The following PTPRC variants were observed in gnomAD, a reference collection of about 807,000 sequenced individuals.
PTPRC encodes receptor-type tyrosine-protein phosphatase C.
A neutral mutation model predicts 155.9 loss-of-function variants in PTPRC; 44 were observed. The ratio of observed to expected loss-of-function variants is 0.28; its 90% confidence interval spans 0.22 to 0.36. The LOEUF is 0.36. PTPRC is among the 10% of genes least tolerant of loss of function. PTPRC has a pLI of 1.00. For synonymous variants in PTPRC, 525 were observed against 533.1 expected, an observed-to-expected ratio of 0.98 and a Z score of 0.21; for missense variants, 1,401 against 1,564.6, an observed-to-expected ratio of 0.90 and a Z score of 1.76.
intron 3 of PTPRC, chr1:198,692,626 G>A (rs1347521364): frequency 3.0e-6 from 3 of 995,874 alleles, no homozygotes; most frequent in African/African-American, 3.4e-5. Flanking sequence ...AAACTTGACA[G>A]TAAATCACAC....
At chr1:198,735,088 A>T in intron 22 of PTPRC, 39 bp from the exon 23 acceptor site, 4 of 1,508,536 alleles carry the variant, frequency 2.7e-6, no homozygotes, top group Non-Finnish European at 3.6e-6. Flanking sequence ...ATTGGCTTAA[A>T]TTAAAAATTA....
chr1:198,722,612 TTAATTGTCAG>T lies in PTPRC; in HGVS notation c.1720+140_1720+149del, dbSNP rs539390156. 393 of 401,474 alleles carry T rather than the reference TTAATTGTCAG, an allele frequency of 9.8e-4. 2 individuals are homozygous for T. Among genetic ancestry groups the T allele is most frequent in the Non-Finnish European group, 5.8e-5 (15 of 256,780 alleles). The allele number at this position is 401,474 out of a possible 1,614,324, so 24.9% of individuals were successfully genotyped here. On this transcript the variant is annotated intron_variant, in intron 15 of 32. Transcript: ENST00000442510. ...TATCTCTTCCGTAAATGTAATATTT[TTAATTGTCAG>T]TAAAACCATACATATATATGTAAAT... is the stretch of plus-strand genomic sequence containing the variant.
chr1:198,665,758 A>G (rs1280401863), intron 2 of PTPRC, among the ~76,000 whole-genome samples: 1 of 152,226 alleles, frequency 6.6e-6, no homozygotes, highest in African/African-American at 2.4e-5. Flanking sequence ...ACATGGTAAC[A>G]AATGCTTTAG....
chr1:198,650,440 A>G (rs1663182952), intron 2 of PTPRC, among the ~76,000 whole-genome samples: 1 of 151,872 alleles, frequency 6.6e-6, no homozygotes, highest in Non-Finnish European at 1.5e-5. Flanking sequence ...GTGGAAAGAA[A>G]GGAAAGACTG....
At chr1:198,662,592 G>A (rs1664037161) in intron 2 of PTPRC, among the ~76,000 whole-genome samples, 1 of 151,882 alleles carries the variant, frequency 6.6e-6, no homozygotes, top group South Asian at 2.1e-4. Context: ...AAGAGAAATA[G>A]AGGAGGATGG....
chr1:198,706,794 C>G lies in PTPRC; in HGVS notation c.746C>G (p.Thr249Arg). Residue 249 changes from threonine (T) to arginine (R), a missense_variant, in exon 9 of 33, where the codon ACA (threonine) becomes AGA (arginine). Transcript: ENST00000442510. ...TATAACAAGGAAACTAAATTATTTA[C>G]AGCAAAGCTAAATGTTAATGAGAAT... ...YLYNKETKLF[T>R]AKLNVNENVE... is the part of the protein sequence containing the mutation. The G allele has an allele frequency of 1.2e-6, 2 of 1,612,806 alleles. No homozygotes were observed. Among genetic ancestry groups the G allele is most frequent in the Non-Finnish European group, 1.7e-6 (2 of 1,179,080 alleles).
chr1:198,704,756 C>A (rs188850004), intron 8 of PTPRC, among the ~76,000 whole-genome samples: 30 of 152,310 alleles, frequency 2.0e-4, no homozygotes, highest in Admixed American at 4.6e-4. Context: ...ATATTGGGAA[C>A]TGTGCCTACT....
At chr1:198,639,669 A>G (rs980982500) in intron 2 of PTPRC, among the ~76,000 whole-genome samples, 1 of 152,086 alleles carries the variant, frequency 6.6e-6, no homozygotes, top group African/African-American at 2.4e-5. Context: ...ACACATTTAT[A>G]AAAGCCTGAG....
rs56898048 is a variant in PTPRC, at chr1:198,707,111, C to G, written c.904+159C>G. On this transcript the variant is annotated intron_variant, in intron 9 of 32. Transcript: ENST00000442510. ...TGGGTGAACTTTCTGCTGTCTTAAC[C>G]AAGTAAAAATGATAGAGTCAAATAA... 2.3e-3 allele frequency among the ~76,000 whole-genome samples: 357 copies of G among 152,142 alleles called. 13 individuals carry two copies. The East Asian group carries it at 0.06, about 26-fold the overall frequency.
At chr1:198,738,156 C>G (rs1204862489) in intron 23 of PTPRC, among the ~76,000 whole-genome samples, 2 of 151,718 alleles carry the variant, frequency 1.3e-5, no homozygotes, top group Non-Finnish European at 3.0e-5. Flanking sequence ...GTTTCTTTCT[C>G]TTGTCTGATG....
intron 12 of PTPRC, among the ~76,000 whole-genome samples, chr1:198,715,185 C>A (rs979450721): frequency 6.6e-6 from 1 of 152,026 alleles, no homozygotes; most frequent in Non-Finnish European, 1.5e-5. Context: ...TGCAGTCATG[C>A]GATCTCGGCT....
chr1:198,663,335 A>G, intron 2 of PTPRC, among the ~76,000 whole-genome samples: 1 of 152,214 alleles, frequency 6.6e-6, no homozygotes, highest in African/African-American at 2.4e-5. Flanking sequence ...TATCTTTTGA[A>G]AAATAGAATT....
chr1:198,702,905 TA>T (rs1456733940), intron 6 of PTPRC, among the ~76,000 whole-genome samples: 1 of 152,204 alleles, frequency 6.6e-6, no homozygotes, highest in African/African-American at 2.4e-5. Context: ...CTTTTTTAAT[TA>T]TGTCAAAATA....
intron 15 of PTPRC, among the ~76,000 whole-genome samples, chr1:198,725,061 C>CA (rs1362478158): frequency 6.6e-6 from 1 of 152,116 alleles, no homozygotes; most frequent in African/African-American, 2.4e-5. Flanking sequence ...CTTGGCCTCC[C>CA]AAAGTGCTGG....
In PTPRC at chr1:198,749,416, A is replaced by G; in HGVS notation, c.2939A>G (p.Tyr980Cys). 6.2e-7 allele frequency: 1 copy of G among 1,608,096 alleles called. No individual in the cohort carries two copies. The highest frequency in any genetic ancestry group is 8.5e-7 in the Non-Finnish European group (1 of 1,175,654). The change falls in exon 28 of 33, where the codon TAT becomes TGT. Residue 980 changes from tyrosine (Y) to cysteine (C), a missense_variant and splice_region_variant. Physicochemically the swap from Tyr to Cys is radical, Grantham distance 194. Coordinates refer to ENST00000442510, the MANE Select transcript of PTPRC (RefSeq NM_002838.5). ...SKNRNSNVIPYDYNRVPLKHE... is the reference protein window; with the variant it reads ...SKNRNSNVIPCDYNRVPLKHE... ...CTTACTACTGATTTATTTCACATAG[A>G]TGACTATAACAGAGTGCCACTTAAA...
chr1:198,709,958 T>A, intron 11 of PTPRC, 134 bp downstream of exon 11: 1 of 1,259,190 alleles, frequency 7.9e-7, no homozygotes, highest in Non-Finnish European at 1.1e-6. Context: ...TTTATTTCAA[T>A]GAAGCGCAAT....
chr1:198,681,827 T>G (rs1331817743), intron 2 of PTPRC, among the ~76,000 whole-genome samples: 1 of 152,228 alleles, frequency 6.6e-6, no homozygotes, highest in Non-Finnish European at 1.5e-5. Flanking sequence ...AAATACATTT[T>G]TATTGAAGCA....
In PTPRC at chr1:198,680,821, T is replaced by C. The variant is rs543532410; in HGVS notation, c.74-11526T>C. On this transcript the variant is annotated intron_variant, in intron 2 of 32. Transcript: ENST00000442510. ...CGAAATTCAGGAGAATGATGTGAAATAGATGCTCTGAATCCTCTATTCCCA... is the reference window on the plus strand; with the variant it reads ...CGAAATTCAGGAGAATGATGTGAAACAGATGCTCTGAATCCTCTATTCCCA... 2.6e-5 allele frequency among the ~76,000 whole-genome samples: 4 copies of C among 152,214 alleles called. No homozygotes were observed. In the East Asian group the frequency reaches 7.7e-4, roughly 29 times the overall value.
intron 25 of PTPRC, 110 bp from the exon 26 acceptor site, chr1:198,743,944 G>A: frequency 9.3e-7 from 1 of 1,072,518 alleles, no homozygotes; most frequent in South Asian, 1.4e-5. Flanking sequence ...ACTTTGCCAT[G>A]AATTGTTCCA....
Sources: allele counts gnomAD v4.1 joint callset (sites outside exome capture counted in the v4.1 genomes callset), GRCh38; gene constraint gnomAD v4.1.1; transcripts MANE v1.5; gene names NCBI Gene and HGNC (gene_info 2026-07-23, HGNC 2026-07-21).